The following PCDHGA11 variants were observed in gnomAD, a reference collection of about 807,000 sequenced individuals.
PCDHGA11 encodes protocadherin gamma-A11.
PCDHGA11 carries 39 observed loss-of-function variants against 60.4 expected under a neutral mutation model. The observed-to-expected ratio is 0.65, with a 90% CI of 0.50 to 0.84. The LOEUF is 0.84. Ranked by LOEUF, PCDHGA11 falls within the 40% of genes least tolerant of loss-of-function variation. The pLI is 0.00. For synonymous variants in PCDHGA11, 533 were observed against 510.3 expected, an observed-to-expected ratio of 1.04 and a Z score of -0.60; for missense variants, 1,165 against 1,197.7, an observed-to-expected ratio of 0.97 and a Z score of 0.40.
chr5:141,509,709 T>C (rs1344120168), intron 3 of PCDHGA11, among the ~76,000 whole-genome samples: 1 of 152,200 alleles, frequency 6.6e-6, no homozygotes, highest in African/African-American at 2.4e-5. Context: ...CTGGAGGTGC[T>C]GTCTGATGTC....
Position 141,421,651 on chromosome 5 carries a change from A to G in PCDHGA11, c.424A>G (p.Lys142Glu). 6.2e-7 allele frequency: 1 copy of G among 1,613,868 alleles called. No individual in the cohort carries two copies. Among genetic ancestry groups the G allele is most frequent in the Non-Finnish European group, 8.5e-7 (1 of 1,179,820 alleles). ...CTTCCAGGAGGACGAAGTGGAGATAAAAGTCAGTGAGCACGCAATTCCTGG... is the reference window on the plus strand; with the variant it reads ...CTTCCAGGAGGACGAAGTGGAGATAGAAGTCAGTGAGCACGCAATTCCTGG... ...PSFQEDEVEI[K>E]VSEHAIPGAR... Residue 142 changes from lysine to glutamate, a missense_variant, in exon 1 of 4, where the codon AAA (lysine) becomes GAA (glutamate). Coordinates refer to ENST00000398587, the MANE Select transcript of PCDHGA11 (RefSeq NM_018914.3).
Position 141,421,770 on chromosome 5 carries a change from G to T in PCDHGA11, c.543G>T (p.Leu181Phe). ...TCAGCCCTAATAATTACTTTTCCTT[G>T]CAACTGCGGGGCAGAACGGATGGGG... ...YQLSPNNYFS[L>F]QLRGRTDGAK... is the part of the protein sequence containing the mutation. The change falls in exon 1 of 4, where the codon TTG becomes TTT. Residue 181 changes from leucine (L) to phenylalanine (F), a missense_variant. By Grantham distance (22) the Leu-to-Phe change is conservative. Transcript: ENST00000398587. 3.7e-6 allele frequency: 6 copies of T among 1,613,856 alleles called. No individual in the cohort carries two copies. Among genetic ancestry groups the T allele is most frequent in the East Asian group, 2.2e-5 (1 of 44,882 alleles).
chr5:141,425,482 C>G (rs1257043728), intron 1 of PCDHGA11, among the ~76,000 whole-genome samples: 1 of 152,192 alleles, frequency 6.6e-6, no homozygotes, highest in East Asian at 1.9e-4. Flanking sequence ...CCTATGGCAA[C>G]CTACTAGGCT....
chr5:141,422,397 C>A lies in PCDHGA11; in HGVS notation c.1170C>A (p.His390Gln), dbSNP rs753017439. The part of the protein sequence containing the change: ...NGQVSCFIPN[H>Q]LPFKLEKTYG... The stretch of plus-strand genomic sequence containing the variant: ...AAGTCTCCTGTTTTATTCCTAACCA[C>A]CTGCCTTTTAAATTAGAAAAGACTT... The change falls in exon 1 of 4, where the codon CAC (histidine) becomes CAA (glutamine). Residue 390 changes from histidine to glutamine, a missense_variant. By Grantham distance (24) the His-to-Gln change is conservative. Transcript: ENST00000398587. 6.3e-6 allele frequency: 10 copies of A among 1,597,488 alleles called. No individual in the cohort carries two copies. Among genetic ancestry groups the A allele is most frequent in the African/African-American group, 2.7e-5 (2 of 73,920 alleles).
chr5:141,486,150 G>T lies in PCDHGA11; in HGVS notation c.2434-8657G>T. The T allele has an allele frequency of 6.2e-7, 1 of 1,614,180 alleles. No individual in the cohort carries two copies. The highest frequency in any genetic ancestry group is 8.5e-7 in the Non-Finnish European group (1 of 1,180,030). On this transcript the variant is annotated intron_variant, in intron 1 of 3. Transcript: ENST00000398587. This position sits in a 1 kb window ranked among gnomAD's most constrained non-coding sequence, Gnocchi z 5.0. The stretch of plus-strand genomic sequence containing the variant: ...TTTGATGTGCGGGCTCGCGATGGGG[G>T]TTCTCCAGCCATGGAGCAACATTGC...
chr5:141,427,995 G>C (rs1292989797), intron 1 of PCDHGA11: 2 of 1,599,590 alleles, frequency 1.3e-6, no homozygotes, highest in African/African-American at 2.7e-5. Flanking sequence ...CGATGGCTCC[G>C]CACTCTTCGA....
chr5:141,448,639 T>A (rs1248697237), intron 1 of PCDHGA11, among the ~76,000 whole-genome samples: 1 of 152,148 alleles, frequency 6.6e-6, no homozygotes, highest in Admixed American at 6.6e-5. Flanking sequence ...CATTATATCC[T>A]TTAAAAATAT....
At chr5:141,425,957 C>A (rs1317696447) in intron 1 of PCDHGA11, among the ~76,000 whole-genome samples, 1 of 152,140 alleles carries the variant, frequency 6.6e-6, no homozygotes, top group Non-Finnish European at 1.5e-5. Context: ...TACATTAGTC[C>A]AACACATCAG....
rs868008554 is a variant in PCDHGA11, at chr5:141,431,417, C to T, written c.2433+7757C>T. 1 of 1,613,666 alleles carries T rather than the reference C, an allele frequency of 6.2e-7. No homozygotes were observed. Among genetic ancestry groups the T allele is most frequent in the South Asian group, 1.1e-5 (1 of 91,082 alleles). ...CCTTACGGCCTCCGACGGGGGCGAC[C>T]CGGTGCGCACAGGCACCGCGCGCAT... On this transcript the variant is annotated intron_variant, in intron 1 of 3. Transcript: ENST00000398587. This position sits in a 1 kb window ranked among gnomAD's most constrained non-coding sequence, Gnocchi z 4.8.
rs980172909 is a variant in PCDHGA11, at chr5:141,485,917, G to A, written c.2434-8890G>A. On this transcript the variant is annotated intron_variant, in intron 1 of 3. Transcript: ENST00000398587. The surrounding 1 kb of genome is among the most constrained non-coding windows in gnomAD (Gnocchi z 5.7). ...CAGCCTTCCAGCAATCCAGCTACAGGATTAGTGTGTTGGAGAGCGCACCAG... is the reference window on the plus strand; with the variant it reads ...CAGCCTTCCAGCAATCCAGCTACAGAATTAGTGTGTTGGAGAGCGCACCAG... The A allele has an allele frequency of 2.6e-5, 42 of 1,614,078 alleles. No homozygotes were observed. Among genetic ancestry groups the A allele is most frequent in the Non-Finnish European group, 3.5e-5 (41 of 1,180,050 alleles).
rs1427742903 is a variant in PCDHGA11 at position 141,477,916 on chromosome 5, A to G, written c.2434-16891A>G. On this transcript the variant is annotated intron_variant, in intron 1 of 3. Coordinates refer to ENST00000398587, the MANE Select transcript of PCDHGA11 (RefSeq NM_018914.3). This position sits in a 1 kb window ranked among gnomAD's most constrained non-coding sequence, Gnocchi z 4.9. ...GGGTGGTAGGCTGGGACGCGGATGC[A>G]GGGCACAATGCCTGGCTCTCCTACA... The G allele has an allele frequency of 1.2e-6, 2 of 1,614,042 alleles. No homozygotes were observed. The highest frequency in any genetic ancestry group is 2.7e-5 in the African/African-American group (2 of 74,932).
intron 1 of PCDHGA11, among the ~76,000 whole-genome samples, chr5:141,449,673 G>A (rs7725811): frequency 0.049 from 7,346 of 150,528 alleles, 281 homozygotes; most frequent in African/African-American, 0.1. Flanking sequence ...AAGTGTGTAT[G>A]TATATATGTT....
chr5:141,486,399 C>G lies in PCDHGA11; in HGVS notation c.2434-8408C>G. On this transcript the variant is annotated intron_variant, in intron 1 of 3. Transcript: ENST00000398587. The surrounding 1 kb of genome is among the most constrained non-coding windows in gnomAD (Gnocchi z 5.0). ...TTCAGGAACCAGTTCTCCCTGGTGA[C>G]TGCTGGACCCTTGGATCGAGAGGCC... The G allele has an allele frequency of 6.2e-7, 1 of 1,614,188 alleles. No individual in the cohort carries two copies. The highest frequency in any genetic ancestry group is 1.1e-5 in the South Asian group (1 of 91,090).
At position 141,491,168 on chromosome 5, in the gene PCDHGA11, A is replaced by T. The variant is rs1293664414; in HGVS notation, c.2434-3639A>T. On this transcript the variant is annotated intron_variant, in intron 1 of 3. Transcript: ENST00000398587. This position sits in a 1 kb window ranked among gnomAD's most constrained non-coding sequence, Gnocchi z 6.9. ...CTGGAGGATGACTCTGACACCCAGC[A>T]GGTGGTGGTCCTGGTGAGGGACAAT... 3.1e-6 allele frequency: 5 copies of T among 1,614,160 alleles called. No individual in the cohort carries two copies. The highest frequency in any genetic ancestry group is 4.2e-6 in the Non-Finnish European group (5 of 1,179,988).
Position 141,511,186 on chromosome 5 carries a change from G to A in PCDHGA11, c.*13G>A. 1 of 1,613,906 alleles carries A rather than the reference G, an allele frequency of 6.2e-7. No individual in the cohort carries two copies. The highest frequency in any genetic ancestry group is 8.5e-7 in the Non-Finnish European group (1 of 1,179,890). ...GGAGAAGAAGTAACATGGAGGCCAG[G>A]CCAAGAGCCACAGGGCGGCCTCTCC... On this transcript the variant is annotated 3_prime_UTR_variant, in exon 4 of 4. Transcript: ENST00000398587.
chr5:141,505,326 G>A, intron 2 of PCDHGA11, 67 bp from the exon 3 acceptor site: 2 of 1,607,648 alleles, frequency 1.2e-6, no homozygotes, highest in East Asian at 2.2e-5. Context: ...AGCCCTGGGA[G>A]AGGACAGGAG....
rs775963212 is a variant in PCDHGA11, at chr5:141,485,463, G to T, written c.2434-9344G>T. ...CCAATCGACCGAGAGGCACTGTGTG[G>T]GCTCAGTGCCAGCTGCATCGTGCCC... On this transcript the variant is annotated intron_variant, in intron 1 of 3. Coordinates refer to ENST00000398587, the MANE Select transcript of PCDHGA11 (RefSeq NM_018914.3). The surrounding 1 kb of genome is among the most constrained non-coding windows in gnomAD (Gnocchi z 5.7). The T allele has an allele frequency of 1.2e-6, 2 of 1,614,086 alleles. No individual in the cohort carries two copies. The highest frequency in any genetic ancestry group is 3.3e-5 in the Admixed American group (2 of 60,026).
In PCDHGA11 at chr5:141,489,365, G is replaced by A. The variant is rs774363104; in HGVS notation, c.2434-5442G>A. ...TCAGTGGTGGAGGAGTCTGAGCCGG[G>A]GACGCTGGTGGGGAATGTTGCTCAG... On this transcript the variant is annotated intron_variant, in intron 1 of 3. Transcript: ENST00000398587. The surrounding 1 kb of genome is among the most constrained non-coding windows in gnomAD (Gnocchi z 4.5). The A allele has an allele frequency of 6.2e-7, 1 of 1,613,512 alleles. No individual in the cohort carries two copies.
Position 141,422,550 on chromosome 5 carries a change from G to A in PCDHGA11, c.1323G>A (p.Leu441=). 6.2e-7 allele frequency: 1 copy of A among 1,613,978 alleles called. No individual in the cohort carries two copies. The highest frequency in any genetic ancestry group is 8.5e-7 in the Non-Finnish European group (1 of 1,179,886). The change falls in exon 1 of 4, where the codon CTG becomes CTA. Residue 441 remains leucine, a synonymous_variant. Coordinates refer to ENST00000398587, the MANE Select transcript of PCDHGA11 (RefSeq NM_018914.3). ...TGTCTGCAGAAACTCATGTCTGGCT[G>A]AATGTGGCAGATGACAACGATAACC... ...PPLSAETHVW[L]NVADDNDNPP...
Sources: gnomAD v4.1 joint callset for allele counts (sites outside exome capture counted in the v4.1 genomes callset) on GRCh38, gnomAD v4.1.1 for gene constraint, Gnocchi (gnomAD v3.1) non-coding constraint, MANE v1.5 for transcripts, NCBI Gene and HGNC (gene_info 2026-07-23, HGNC 2026-07-21) for gene names.